Variants in IQSEC1 observed in about 807,000 individuals in gnomAD.
The protein encoded by IQSEC1 is IQ motif and SEC7 domain-containing protein 1.
Under a neutral mutation model 91.0 loss-of-function variants are expected in IQSEC1, and 31 were observed. The ratio of observed to expected loss-of-function variants is 0.34; its 90% confidence interval spans 0.26 to 0.46. The LOEUF (loss-of-function observed/expected upper bound fraction) is 0.46. Ranked by LOEUF, IQSEC1 falls within the 20% of genes least tolerant of loss-of-function variation. The pLI is 1.00. For missense variants in IQSEC1, 1,388 were observed against 1,575.6 expected (o/e 0.88, Z 2.02); for synonymous variants, 699 against 662.6 (o/e 1.05, Z -0.84).
At chr3:12,966,850 G>A (rs1268003529) in intron 1 of IQSEC1, among the ~76,000 whole-genome samples, 1 of 152,196 alleles carries the variant, frequency 6.6e-6, no homozygotes, top group Non-Finnish European at 1.5e-5. Context: ...GGGTCTTGCA[G>A]ACAGGACAGA....
At chr3:12,950,123 G>A (rs1329184635) in intron 1 of IQSEC1, among the ~76,000 whole-genome samples, 1 of 152,192 alleles carries the variant, frequency 6.6e-6, no homozygotes, top group Non-Finnish European at 1.5e-5. Flanking sequence ...CAACAAGCCT[G>A]TCAAGAAAGC....
intron 1 of IQSEC1, among the ~76,000 whole-genome samples, chr3:12,984,289 C>A (rs574055623): frequency 1.2e-4 from 19 of 152,308 alleles, no homozygotes; most frequent in African/African-American, 4.6e-4. Flanking sequence ...AGACCCCATG[C>A]CTTTGCTAGC....
chr3:13,216,590 A>C (rs1472027856), intron 1 of IQSEC1, among the ~76,000 whole-genome samples: 1 of 152,192 alleles, frequency 6.6e-6, no homozygotes, highest in Non-Finnish European at 1.5e-5. Context: ...GGACCGCAGG[A>C]GGGGCTAGAG....
intron 1 of IQSEC1, among the ~76,000 whole-genome samples, chr3:13,263,432 G>GTT: frequency 1.5e-5 from 2 of 133,550 alleles, no homozygotes; most frequent in African/African-American, 5.2e-5. Context: ...TTTTTTGGGG[G>GTT]GGGGGGGAAA....
chr3:13,257,549 C>T (rs111430057), intron 1 of IQSEC1, among the ~76,000 whole-genome samples: 4 of 152,110 alleles, frequency 2.6e-5, no homozygotes, highest in African/African-American at 4.8e-5. Context: ...GTGCAGTCCA[C>T]GAAGCCTCAG....
At position 12,899,236 on chromosome 3, in the gene IQSEC1, G is replaced by A. The variant is rs1693965450; in HGVS notation, c.*1747C>T. The A allele has an allele frequency of 6.3e-6, 5 of 794,168 alleles. No individual in the cohort carries two copies. Among genetic ancestry groups the A allele is most frequent in the South Asian group, 1.8e-5 (1 of 55,410 alleles). 49.2% of individuals were successfully genotyped at this position (794,168 alleles called of 1,614,324 possible). A position where few individuals can be genotyped will look rare whatever the true frequency, so the allele number is the denominator to read the frequency against. ...GCCAAGGTGACACACAGCCAGAGGG[G>A]GCTCCCCTCTCCTCCTGCCGTCCGG... On this transcript the variant is annotated 3_prime_UTR_variant, in exon 14 of 14. Coordinates refer to ENST00000613206, the MANE Select transcript of IQSEC1 (RefSeq NM_001134382.3).
chr3:13,269,244 G>A (rs1407694708), intron 1 of IQSEC1, among the ~76,000 whole-genome samples: 2 of 152,240 alleles, frequency 1.3e-5, no homozygotes, highest in East Asian at 1.9e-4. Context: ...AGCCAGGCAG[G>A]AGCGAGGCTG....
At chr3:12,902,670 CAAAAAAAA>C (rs1213830618) in intron 13 of IQSEC1, 95 bp downstream of exon 13, 190 of 192,644 alleles carry the variant, frequency 9.9e-4, no homozygotes, top group Non-Finnish European at 1.5e-3. Context: ...AAAAAAAAAC[CAAAAAAAA>C]AAAAAAAAAA....
chr3:13,136,048 C>T (rs1576266366), intron 2 of IQSEC1, among the ~76,000 whole-genome samples: 1 of 152,358 alleles, frequency 6.6e-6, no homozygotes, highest in African/African-American at 2.4e-5. Context: ...CTTGCATGTC[C>T]TGGCCATGGG....
At chr3:13,163,822 C>G (rs1050066050) in intron 2 of IQSEC1, among the ~76,000 whole-genome samples, 2 of 152,168 alleles carry the variant, frequency 1.3e-5, no homozygotes, top group African/African-American at 4.8e-5. Flanking sequence ...ATCACCAGCC[C>G]CAGAAAGGAA....
In IQSEC1 at chr3:12,935,215, C is replaced by G. The variant is rs1238880318; in HGVS notation, c.1568+233G>C. On this transcript the variant is annotated intron_variant, in intron 3 of 13. Transcript: ENST00000613206. The surrounding 1 kb of genome is among the most constrained non-coding windows in gnomAD (Gnocchi z 8.0). ...TGCTTCGGCACAGAAAGCTCCCATT[C>G]TGCCCCTGCTCAGCCTGTGTGTGTT... Among the ~76,000 whole-genome samples the G allele has an allele frequency of 2.0e-5, 3 of 152,228 alleles. No individual in the cohort carries two copies. Among genetic ancestry groups the G allele is most frequent in the African/African-American group, 7.2e-5 (3 of 41,464 alleles).
chr3:13,004,425 C>G (rs188507320), intron 1 of IQSEC1, among the ~76,000 whole-genome samples: 2 of 152,210 alleles, frequency 1.3e-5, no homozygotes, highest in African/African-American at 4.8e-5. Context: ...AGGGGGAAGC[C>G]GATGTGGAAA....
At chr3:13,076,384 T>A (rs1357690716), upstream of IQSEC1, among the ~76,000 whole-genome samples, 3 of 152,156 alleles carry the variant, frequency 2.0e-5, no homozygotes, top group African/African-American at 7.2e-5. Context: ...CAGAAACATC[T>A]CACATCCATC....
In IQSEC1 at chr3:13,259,268, G is replaced by A. The variant is rs1695342257; in HGVS notation, c.272+23443C>T. Among the ~76,000 whole-genome samples, 1 of 152,202 alleles carries A rather than the reference G, an allele frequency of 6.6e-6. No homozygotes were observed. Among genetic ancestry groups the A allele is most frequent in the African/African-American group, 2.4e-5 (1 of 41,434 alleles). On this transcript the variant is annotated intron_variant, in intron 1 of 15. Coordinates refer to the IQSEC1 transcript ENST00000648114. The surrounding 1 kb of genome is among the most constrained non-coding windows in gnomAD (Gnocchi z 4.6). ...GAAGTGCTCTGTAAATAGTTGATGGGTGTTCTAATGAATGAAGAAGCCCAC... is the reference window on the plus strand; with the variant it reads ...GAAGTGCTCTGTAAATAGTTGATGGATGTTCTAATGAATGAAGAAGCCCAC...
At chr3:13,031,528 C>T (rs184188267) in intron 1 of IQSEC1, among the ~76,000 whole-genome samples, 23 of 152,336 alleles carry the variant, frequency 1.5e-4, no homozygotes, top group Non-Finnish European at 5.9e-5. Flanking sequence ...TCAGAAAGGA[C>T]AAGACTCCAG....
intron 1 of IQSEC1, among the ~76,000 whole-genome samples, chr3:13,195,411 G>A (rs895127113): frequency 3.9e-5 from 6 of 152,308 alleles, no homozygotes; most frequent in African/African-American, 9.6e-5. Flanking sequence ...TACAGCCTCC[G>A]TGGCAAACAG....
At chr3:13,199,977 C>A (rs1694210298) in intron 1 of IQSEC1, among the ~76,000 whole-genome samples, 2 of 150,544 alleles carry the variant, frequency 1.3e-5, no homozygotes, top group South Asian at 4.2e-4. Flanking sequence ...CACCACACCA[C>A]ATACATATGC....
At position 12,911,664 on chromosome 3, in the gene IQSEC1, AAGG is replaced by A; in HGVS notation, c.2378_2380del (p.Ser793del). On this transcript the variant is annotated inframe_deletion, in exon 10 of 14. Coordinates refer to ENST00000613206, the MANE Select transcript of IQSEC1 (RefSeq NM_001134382.3). ...GAAGAGCAGGACCTGCATGCCGTACAAGGAGAAGGACTGTCGGAAGCTGTACGT... is the reference window on the plus strand; with the variant it reads ...GAAGAGCAGGACCTGCATGCCGTACAAGAAGGACTGTCGGAAGCTGTACGT... 1.2e-6 allele frequency: 2 copies of A among 1,613,996 alleles called. No homozygotes were observed. Among genetic ancestry groups the A allele is most frequent in the Non-Finnish European group, 1.7e-6 (2 of 1,179,980 alleles).
At chr3:13,077,604 C>G (rs560012354), upstream of IQSEC1, among the ~76,000 whole-genome samples, 2 of 152,218 alleles carry the variant, frequency 1.3e-5, no homozygotes, top group East Asian at 3.8e-4. Flanking sequence ...GACATGGGCT[C>G]GGGCTCTGGT....
Sources: allele counts gnomAD v4.1 joint callset (sites outside exome capture counted in the v4.1 genomes callset), GRCh38; gene constraint gnomAD v4.1.1; non-coding constraint Gnocchi (gnomAD v3.1); transcripts MANE v1.5; gene names NCBI Gene and HGNC (gene_info 2026-07-23, HGNC 2026-07-21).